The following DLG5 variants were observed in gnomAD, a reference collection of about 807,000 sequenced individuals.
The protein encoded by DLG5 is discs large MAGUK scaffold protein 5.
DLG5 carries 48 observed loss-of-function variants against 189.8 expected under a neutral mutation model. That is an observed-to-expected ratio of 0.25 (90% CI 0.20 to 0.32). The LOEUF is 0.32. Ranked by LOEUF, DLG5 falls within the 10% of genes least tolerant of loss-of-function variation. The pLI, the probability that DLG5 is intolerant of heterozygous loss-of-function variation, is 1.00. For missense variants in DLG5, 2,160 were observed against 2,544.7 expected, an observed-to-expected ratio of 0.85 and a Z score of 3.25; for synonymous variants, 1,016 against 1,054.1, an observed-to-expected ratio of 0.96 and a Z score of 0.70.
At chr10:77,913,213 G>C (rs189010335) in intron 1 of DLG5, among the ~76,000 whole-genome samples, 1 of 152,184 alleles carries the variant, frequency 6.6e-6, no homozygotes, top group Non-Finnish European at 1.5e-5. Flanking sequence ...TCGCCACCTA[G>C]AACAGTCCAC....
intron 1 of DLG5, among the ~76,000 whole-genome samples, chr10:77,887,830 G>A (rs1845483978): frequency 6.6e-6 from 1 of 152,148 alleles, no homozygotes. Context: ...AGACCTTGAG[G>A]GACAGACAAA....
At chr10:77,855,022 A>C (rs1280668909) in intron 3 of DLG5, among the ~76,000 whole-genome samples, 1 of 152,106 alleles carries the variant, frequency 6.6e-6, no homozygotes, top group Non-Finnish European at 1.5e-5. Context: ...TAAATAAATA[A>C]AAGTAAAATA....
chr10:77,809,709 C>T lies in DLG5; in HGVS notation c.4485G>A (p.Lys1495=), dbSNP rs112908161. 3 of 1,613,170 alleles carry T rather than the reference C, an allele frequency of 1.9e-6. No homozygotes were observed. The part of the protein sequence containing the change: ...SSSRIAGDAN[K]KTLEPRVVFI... ...AGACAACGCGTGGCTCCAGGGTCTT[C>T]TTGTTGGCATCTCCCGCAATCCTTT... is the stretch of plus-strand genomic sequence containing the variant. Residue 1495 remains lysine (K), a synonymous_variant, in exon 24 of 32, where the codon AAG becomes AAA. Coordinates refer to ENST00000372391, the MANE Select transcript of DLG5 (RefSeq NM_004747.4).
At chr10:77,845,043 A>G (rs1460026646) in intron 5 of DLG5, among the ~76,000 whole-genome samples, 1 of 152,212 alleles carries the variant, frequency 6.6e-6, no homozygotes, top group Non-Finnish European at 1.5e-5. Flanking sequence ...CACAGTGAAG[A>G]CTGTCTCCTG....
chr10:77,798,769 C>T (rs1411452834), intron 27 of DLG5, among the ~76,000 whole-genome samples: 1 of 152,078 alleles, frequency 6.6e-6, no homozygotes, highest in Non-Finnish European at 1.5e-5. Context: ...ACCATTCCCT[C>T]CATTTACTAG....
At chr10:77,797,023 G>A (rs527363829) in intron 27 of DLG5, among the ~76,000 whole-genome samples, 1 of 152,270 alleles carries the variant, frequency 6.6e-6, no homozygotes, top group African/African-American at 2.4e-5. Flanking sequence ...AATCTGCACG[G>A]CTAGAACAGG....
Position 77,926,258 on chromosome 10 carries a change from A to T in DLG5, c.263T>A (p.Leu88Gln), listed in dbSNP as rs2131889102. 6.4e-7 allele frequency: 1 copy of T among 1,558,666 alleles called. No individual in the cohort carries two copies. Among genetic ancestry groups the T allele is most frequent in the Non-Finnish European group, 8.7e-7 (1 of 1,153,768 alleles). ...CTGCGGCGGCCCGACGACGCCGTTC[A>T]GGTAGAGAATGGGCAGCAGGTGAGG... ...TQPHLLPILY[L>Q]NGVVGPPQPA... is the part of the protein sequence containing the mutation. Residue 88 changes from leucine (L) to glutamine (Q), a missense_variant, in exon 1 of 32, where the codon CTG becomes CAG. Coordinates refer to ENST00000372391, the MANE Select transcript of DLG5 (RefSeq NM_004747.4). This position sits in a 1 kb window ranked among gnomAD's most constrained non-coding sequence, Gnocchi z 5.2.
intron 1 of DLG5, among the ~76,000 whole-genome samples, chr10:77,920,640 C>T (rs529184464): frequency 2.0e-5 from 3 of 152,268 alleles, no homozygotes; most frequent in South Asian, 4.1e-4. Context: ...CCACAGTGAC[C>T]GGGCCTCATG....
chr10:77,826,429 C>A (rs1842643232), intron 13 of DLG5, among the ~76,000 whole-genome samples: 1 of 152,076 alleles, frequency 6.6e-6, no homozygotes, highest in East Asian at 1.9e-4. Flanking sequence ...AGTTCAAGAC[C>A]AGCCTGGGCA....
At chr10:77,863,688 A>C (rs1459583180) in intron 2 of DLG5, among the ~76,000 whole-genome samples, 1 of 152,160 alleles carries the variant, frequency 6.6e-6, no homozygotes, top group African/African-American at 2.4e-5. Flanking sequence ...GGCTTTCCTT[A>C]CCCAAGTCTG....
the DLG5 span, among the ~76,000 whole-genome samples, chr10:77,936,671 G>GCTAC: frequency 1.3e-5 from 2 of 152,224 alleles, no homozygotes; most frequent in Admixed American, 1.3e-4. Context: ...AAGCCCTAAG[G>GCTAC]CTACCTAACC....
In DLG5 at chr10:77,812,061, G is replaced by A. The variant is rs113543511; in HGVS notation, c.4189-4C>T. The A allele has an allele frequency of 1.9e-4, 310 of 1,609,302 alleles. 1 individual carries two copies. In the African/African-American group the frequency reaches 3.4e-3, roughly 18 times the overall value. ...TCCGCAGGTTTATGCCGTTGAACTG[G>A]GGAAACACCAGGATGGGCTCAGTGG... On this transcript the variant is annotated splice_polypyrimidine_tract_variant and splice_region_variant and intron_variant, in intron 21 of 31. Coordinates refer to ENST00000372391, the MANE Select transcript of DLG5 (RefSeq NM_004747.4).
chr10:77,904,163 G>T (rs1486014422), intron 1 of DLG5, among the ~76,000 whole-genome samples: 1 of 152,184 alleles, frequency 6.6e-6, no homozygotes, highest in Non-Finnish European at 1.5e-5. Context: ...CTGCACTTCA[G>T]CCTGGGCAAC....
intron 27 of DLG5, among the ~76,000 whole-genome samples, chr10:77,804,494 G>C (rs530849154): frequency 6.6e-6 from 1 of 152,266 alleles, no homozygotes; most frequent in Admixed American, 6.5e-5. Context: ...CGAAGAGAGG[G>C]AGGGAGGCAG....
At position 77,818,608 on chromosome 10, in the gene DLG5, G is replaced by C. The variant is rs570352386; in HGVS notation, c.3671+713C>G. On this transcript the variant is annotated intron_variant, in intron 17 of 31. Transcript: ENST00000372391. ...CCTTCTCCCTGGAGGCTCCAGCCCA[G>C]GTCTTGTGCAGCTGGCCTCTTTCAT... Among the ~76,000 whole-genome samples, 3 of 152,290 alleles carry C rather than the reference G, an allele frequency of 2.0e-5. No individual in the cohort carries two copies. The South Asian group carries it at 6.2e-4, about 32-fold the overall frequency.
chr10:77,815,852 G>T (rs1273021741), intron 20 of DLG5, among the ~76,000 whole-genome samples: 1 of 152,142 alleles, frequency 6.6e-6, no homozygotes, highest in East Asian at 1.9e-4. Context: ...ACACAATCTA[G>T]TAAGTTCCAT....
chr10:77,829,471 T>C lies in DLG5; in HGVS notation c.2069A>G (p.Gln690Arg). The change falls in exon 12 of 32, where the codon CAG (glutamine) becomes CGG (arginine). Residue 690 changes from glutamine (Q) to arginine (R), a missense_variant. By Grantham distance (43) the Gln-to-Arg change is conservative. Coordinates refer to ENST00000372391, the MANE Select transcript of DLG5 (RefSeq NM_004747.4). The part of the protein sequence containing the change: ...DVDLINKDKK[Q>R]AIKALLNGEG... The stretch of plus-strand genomic sequence containing the variant: ...CCCATTGAGGAGCGCCTTGATGGCC[T>C]GCTTCTTGTCCTTGTTGATGAGGTC... The C allele has an allele frequency of 6.2e-7, 1 of 1,614,096 alleles. No individual in the cohort carries two copies. The highest frequency in any genetic ancestry group is 8.5e-7 in the Non-Finnish European group (1 of 1,180,008).
At position 77,821,300 on chromosome 10, in the gene DLG5, G is replaced by A. The variant is rs746054654; in HGVS notation, c.3184C>T (p.His1062Tyr). 12 of 1,613,590 alleles carry A rather than the reference G, an allele frequency of 7.4e-6. No homozygotes were observed. The highest frequency in any genetic ancestry group is 1.0e-5 in the Non-Finnish European group (12 of 1,180,038). Residue 1062 changes from histidine to tyrosine, a missense_variant, in exon 15 of 32, where the codon CAC becomes TAC. Coordinates refer to ENST00000372391, the MANE Select transcript of DLG5 (RefSeq NM_004747.4). ...CTGGCCTTGCGAGGGGGTGATGCGT[G>A]CATGGGCTCCCCGGGGTCCACGTCA... ...PPDVDPGEPMHASPPRKARVR... is the reference protein window; with the variant it reads ...PPDVDPGEPMYASPPRKARVR...
chr10:77,824,213 G>A (rs759663836), intron 14 of DLG5, among the ~76,000 whole-genome samples, 171 bp downstream of exon 14: 1 of 152,228 alleles, frequency 6.6e-6, no homozygotes, highest in Non-Finnish European at 1.5e-5. Context: ...CTTGACTGCT[G>A]TTTTTTGATT....
Sources: allele counts gnomAD v4.1 joint callset (sites outside exome capture counted in the v4.1 genomes callset), GRCh38; gene constraint gnomAD v4.1.1; non-coding constraint Gnocchi (gnomAD v3.1); transcripts MANE v1.5; gene names NCBI Gene and HGNC (gene_info 2026-07-23, HGNC 2026-07-21).